The following MED15 variants were observed in gnomAD, a reference collection of about 807,000 sequenced individuals.
MED15 encodes mediator complex subunit 15.
MED15 carries 41 observed loss-of-function variants against 118.7 expected under a neutral mutation model. The observed-to-expected ratio is 0.35, with a 90% CI of 0.27 to 0.45. The LOEUF is 0.45. Ranked by LOEUF, MED15 falls within the 20% of genes least tolerant of loss-of-function variation. MED15 has a pLI of 1.00. For missense variants in MED15, 740 were observed against 1,025.5 expected (o/e 0.72, Z 3.80); for synonymous variants, 436 against 413.9 (o/e 1.05, Z -0.65).
At chr22:20,584,812 C>G in intron 14 of MED15, 43 bp from the exon 15 acceptor site, 1 of 1,605,114 alleles carries the variant, frequency 6.2e-7, no homozygotes. Context: ...AAATGGGGAA[C>G]CCTCGGGTCC....
At chr22:20,517,102 TA>T (rs1216651866) in intron 1 of MED15, among the ~76,000 whole-genome samples, 5 of 148,856 alleles carry the variant, frequency 3.4e-5, no homozygotes, top group Non-Finnish European at 7.4e-5. Flanking sequence ...CTAATTTTCT[TA>T]TTTTTTTTTT....
intron 6 of MED15, 123 bp from the exon 7 acceptor site, chr22:20,566,344 A>G (rs2056437686): frequency 3.3e-6 from 5 of 1,520,248 alleles, no homozygotes; most frequent in Admixed American, 1.9e-5. Flanking sequence ...CCAGCCAGGA[A>G]GGCTTTCTTG....
chr22:20,550,482 C>A (rs2055723881), intron 2 of MED15, among the ~76,000 whole-genome samples: 1 of 152,242 alleles, frequency 6.6e-6, no homozygotes, highest in South Asian at 2.1e-4. Flanking sequence ...TCATCTGAGA[C>A]CACTTTTCAT....
intron 2 of MED15, among the ~76,000 whole-genome samples, chr22:20,546,189 T>G (rs148727658): frequency 6.6e-6 from 1 of 152,232 alleles, no homozygotes; most frequent in African/African-American, 2.4e-5. Flanking sequence ...CCAGCTGTCC[T>G]GCAGCCCTCC....
At chr22:20,535,826 T>C (rs1286468924) in intron 1 of MED15, among the ~76,000 whole-genome samples, 1 of 151,022 alleles carries the variant, frequency 6.6e-6, no homozygotes, top group African/African-American at 2.4e-5. Context: ...CCCAAAGTGC[T>C]GGGACTACAG....
At chr22:20,514,300 C>T (rs999294524) in intron 1 of MED15, among the ~76,000 whole-genome samples, 1 of 152,166 alleles carries the variant, frequency 6.6e-6, no homozygotes, top group African/African-American at 2.4e-5. Context: ...GAGCCTGTCT[C>T]TGGGCTATAG....
chr22:20,564,553 A>G lies in MED15; in HGVS notation c.555A>G (p.Gln185=), dbSNP rs1194830084. 8.8e-6 allele frequency: 14 copies of G among 1,597,214 alleles called. No homozygotes were observed. The East Asian group carries it at 9.0e-5, about 10-fold the overall frequency. ...AALQQQQQQQ[Q]QQQFQAQQSA... ...TACAGCAGCAGCAGCAGCAGCAGCA[A>G]CAGCAGCAGTTCCAGGCTCAGCAGA... The change falls in exon 6 of 18, where the codon CAA becomes CAG. Residue 185 remains glutamine, a synonymous_variant. Coordinates refer to ENST00000263205, the MANE Select transcript of MED15 (RefSeq NM_001003891.3).
chr22:20,561,669 G>T (rs2056247245), intron 5 of MED15, among the ~76,000 whole-genome samples: 1 of 152,184 alleles, frequency 6.6e-6, no homozygotes, highest in Admixed American at 6.5e-5. Flanking sequence ...TTGTTTTATT[G>T]TTAGAAGAAA....
intron 5 of MED15, among the ~76,000 whole-genome samples, 181 bp downstream of exon 5, chr22:20,555,329 C>G (rs1406936282): frequency 6.6e-6 from 1 of 152,182 alleles, no homozygotes; most frequent in African/African-American, 2.4e-5. Context: ...GTTGAGCTCC[C>G]AGAAGGGTTA....
intron 8 of MED15, among the ~76,000 whole-genome samples, chr22:20,569,931 C>CTTAG (rs1330709870): frequency 6.6e-6 from 1 of 152,232 alleles, no homozygotes; most frequent in African/African-American, 2.4e-5. Flanking sequence ...TCAGAGTCAG[C>CTTAG]TTAGTGGTGG....
chr22:20,581,616 C>T (rs2056984933), intron 9 of MED15, among the ~76,000 whole-genome samples: 1 of 152,114 alleles, frequency 6.6e-6, no homozygotes, highest in South Asian at 2.1e-4. Flanking sequence ...GACAAGGCAT[C>T]CCTCTTTGCT....
chr22:20,585,824 A>G lies in MED15; in HGVS notation c.2228A>G (p.Tyr743Cys), dbSNP rs878882754. ...CTGTGGATAGACCGGCAGTGGCAGT[A>G]CGGTAGGTAGACCCAGAGGAGCTGT... ...SPLWIDRQWQYDANPFLQSVH... is the reference protein window; with the variant it reads ...SPLWIDRQWQCDANPFLQSVH... Residue 743 changes from tyrosine to cysteine, a missense_variant and splice_region_variant, in exon 17 of 18, where the codon TAC (tyrosine) becomes TGC (cysteine). Physicochemically the swap from Tyr to Cys is radical, Grantham distance 194. Transcript: ENST00000263205. 1 of 1,612,698 alleles carries G rather than the reference A, an allele frequency of 6.2e-7. No individual in the cohort carries two copies. Among genetic ancestry groups the G allele is most frequent in the Non-Finnish European group, 8.5e-7 (1 of 1,179,922 alleles).
intron 2 of MED15, among the ~76,000 whole-genome samples, chr22:20,544,876 C>A (rs1432512252): frequency 6.6e-6 from 1 of 152,122 alleles, no homozygotes; most frequent in Non-Finnish European, 1.5e-5. Flanking sequence ...GAGGTAAATA[C>A]ATTCTCTGTA....
chr22:20,544,710 G>A (rs2055456272), intron 2 of MED15, among the ~76,000 whole-genome samples: 1 of 151,966 alleles, frequency 6.6e-6, no homozygotes, highest in Non-Finnish European at 1.5e-5. Flanking sequence ...AGTTTTCAAG[G>A]CCAGATGTTC....
intron 1 of MED15, chr22:20,507,984 A>C: frequency 1.4e-6 from 2 of 1,431,286 alleles, no homozygotes; most frequent in Non-Finnish European, 1.8e-6. Flanking sequence ...CTTATGAATC[A>C]TCGTCTTGAG....
intron 9 of MED15, among the ~76,000 whole-genome samples, chr22:20,577,458 C>T (rs995771521): frequency 2.6e-5 from 4 of 151,884 alleles, no homozygotes; most frequent in South Asian, 2.1e-4. Context: ...CTTTCCCTCC[C>T]CAGCCTTCCC....
intron 2 of MED15, among the ~76,000 whole-genome samples, chr22:20,541,726 C>T (rs998338622): frequency 7.9e-5 from 12 of 151,188 alleles, no homozygotes; most frequent in East Asian, 3.9e-4. Flanking sequence ...CTCGGCTCAA[C>T]GCAACCTCCG....
chr22:20,565,311 G>A (rs1028184852), intron 6 of MED15, among the ~76,000 whole-genome samples: 1 of 152,112 alleles, frequency 6.6e-6, no homozygotes, highest in Non-Finnish European at 1.5e-5. Context: ...GAAGTGAGAC[G>A]AACACTCTGA....
At position 20,583,045 on chromosome 22, in the gene MED15, G is replaced by T. The variant is rs1027311147; in HGVS notation, c.1538-68G>T. The T allele has an allele frequency of 2.1e-5, 33 of 1,565,144 alleles. No individual in the cohort carries two copies. In the Middle Eastern group the frequency reaches 8.9e-4, roughly 42 times the overall value. Reference sequence around the variant, plus strand: ...CTCATACTGGGTGTGCGAGCTCTGGGGCCCTCAGAGCTCAAGTTCCCCACC... The same window carrying T: ...CTCATACTGGGTGTGCGAGCTCTGGTGCCCTCAGAGCTCAAGTTCCCCACC... On this transcript the variant is annotated intron_variant, in intron 11 of 17. Coordinates refer to ENST00000263205, the MANE Select transcript of MED15 (RefSeq NM_001003891.3).
Sources: allele counts gnomAD v4.1 joint callset (sites outside exome capture counted in the v4.1 genomes callset), GRCh38; gene constraint gnomAD v4.1.1; transcripts MANE v1.5; gene names NCBI Gene and HGNC (gene_info 2026-07-23, HGNC 2026-07-21).